The following LRP1B variants were observed in gnomAD, a reference collection of about 807,000 sequenced individuals.
LRP1B encodes the protein LDL receptor related protein 1B, also known as low-density lipoprotein receptor-related protein 1B.
Under a neutral mutation model 556.6 loss-of-function variants are expected in LRP1B, and 217 were observed. The observed-to-expected ratio is 0.39, with a 90% CI of 0.35 to 0.44. The LOEUF (loss-of-function observed/expected upper bound fraction) is 0.44, where lower values mean the gene tolerates loss of function less well. Ranked by LOEUF, LRP1B falls within the 20% of genes least tolerant of loss-of-function variation. The pLI is 1.00. For synonymous variants in LRP1B, 2,047 were observed against 1,865.8 expected, an observed-to-expected ratio of 1.10 and a Z score of -2.50; for missense variants, 5,053 against 5,620.8, an observed-to-expected ratio of 0.90 and a Z score of 3.23.
At chr2:140,565,918 C>G (rs897238406) in intron 43 of LRP1B, among the ~76,000 whole-genome samples, 1 of 152,182 alleles carries the variant, frequency 6.6e-6, no homozygotes, top group Non-Finnish European at 1.5e-5. Context: ...GTACTCACCA[C>G]TGGGGACCCC....
At chr2:141,713,730 T>C (rs1157655702) in intron 2 of LRP1B, among the ~76,000 whole-genome samples, 1 of 152,214 alleles carries the variant, frequency 6.6e-6, no homozygotes, top group East Asian at 1.9e-4. Context: ...AGAATTAATA[T>C]ATATTTAAAA....
chr2:140,786,546 A>G (rs533360374), intron 32 of LRP1B, among the ~76,000 whole-genome samples: 24 of 152,286 alleles, frequency 1.6e-4, no homozygotes, highest in Admixed American at 5.9e-4. Flanking sequence ...GCTCTCTGGA[A>G]AAATCTCTTT....
At chr2:140,813,611 C>G in intron 32 of LRP1B, 46 bp downstream of exon 32, 1 of 1,576,902 alleles carries the variant, frequency 6.3e-7, no homozygotes, top group Non-Finnish European at 8.7e-7. Context: ...ATAAATCAAC[C>G]CCCAATCAAT....
At chr2:142,021,467 G>C (rs145726618) in intron 1 of LRP1B, among the ~76,000 whole-genome samples, 241 of 152,126 alleles carry the variant, frequency 1.6e-3, no homozygotes, top group African/African-American at 5.6e-3. Context: ...TTTCACACTT[G>C]TTTTAGTATT....
Position 142,077,527 on chromosome 2 carries a change from T to C in LRP1B, c.82+53121A>G, listed in dbSNP as rs150413342. The stretch of plus-strand genomic sequence containing the variant: ...AGTTATATTTATGAACAAAAATGTC[T>C]ATTAGTAAGAATAGAGCCTCCATTC... On this transcript the variant is annotated intron_variant, in intron 1 of 90. Coordinates refer to ENST00000389484, the MANE Select transcript of LRP1B (RefSeq NM_018557.3). Among the ~76,000 whole-genome samples, 1,190 of 152,270 alleles carry C rather than the reference T, an allele frequency of 7.8e-3. 20 individuals carry two copies. The highest frequency in any genetic ancestry group is 0.027 in the African/African-American group (1,108 of 41,566).
At chr2:141,818,944 T>C (rs1696661144) in intron 1 of LRP1B, among the ~76,000 whole-genome samples, 1 of 151,422 alleles carries the variant, frequency 6.6e-6, no homozygotes, top group African/African-American at 2.4e-5. Context: ...TTAGATCCTT[T>C]AATAAAAACT....
intron 2 of LRP1B, among the ~76,000 whole-genome samples, chr2:141,534,574 C>G (rs926276473): frequency 6.6e-6 from 1 of 152,090 alleles, no homozygotes; most frequent in Non-Finnish European, 1.5e-5. Context: ...AAGCCACTGT[C>G]TTTCCAGCTC....
At chr2:141,653,694 G>A (rs541178160) in intron 2 of LRP1B, among the ~76,000 whole-genome samples, 91 of 152,228 alleles carry the variant, frequency 6.0e-4, no homozygotes, top group South Asian at 1.9e-3. Flanking sequence ...TGATTCTGTG[G>A]CTGTGTATTA....
At chr2:142,068,827 G>A (rs531978243) in intron 1 of LRP1B, among the ~76,000 whole-genome samples, 123 of 151,436 alleles carry the variant, frequency 8.1e-4, no homozygotes, top group African/African-American at 2.8e-3. Flanking sequence ...GTTAGTGGTC[G>A]GCTAATGGTA....
chr2:141,211,726 G>A (rs78052642), intron 6 of LRP1B, among the ~76,000 whole-genome samples: 6,576 of 152,256 alleles, frequency 0.043, 160 homozygotes, highest in South Asian at 0.1. Context: ...TAATGTTAAT[G>A]TAAAACTTAA....
rs770953999 is a variant in LRP1B, at chr2:140,487,672, C to T, written c.9188G>A (p.Ser3063Asn). The T allele has an allele frequency of 6.2e-7, 1 of 1,603,044 alleles. No individual in the cohort carries two copies. Among genetic ancestry groups the T allele is most frequent in the Non-Finnish European group, 8.5e-7 (1 of 1,172,170 alleles). Residue 3063 changes from serine (S) to asparagine (N), a missense_variant, in exon 58 of 91, where the codon AGC (serine) becomes AAC (asparagine). Coordinates refer to ENST00000389484, the MANE Select transcript of LRP1B (RefSeq NM_018557.3). Reference protein sequence around the residue: ...REEFIYWIDSSRPNGSRINRM... With the variant: ...REEFIYWIDSNRPNGSRINRM... ...ATTTATGCGACTGCCATTGGGTCGG[C>T]TAGAATCGATCCAATAGATGAATTC...
Position 140,823,109 on chromosome 2 carries a change from G to A in LRP1B, c.5210-9303C>T, listed in dbSNP as rs1371451735. Among the ~76,000 whole-genome samples, 4 of 152,142 alleles carry A rather than the reference G, an allele frequency of 2.6e-5. No individual in the cohort carries two copies. In the East Asian group the frequency reaches 5.8e-4, roughly 22 times the overall value. On this transcript the variant is annotated intron_variant, in intron 31 of 90. Transcript: ENST00000389484. ...AAGTGCATGCAGACACAAAGGTGTG[G>A]CCTCATGATGAGAATACAGGTACTA...
intron 3 of LRP1B, among the ~76,000 whole-genome samples, chr2:141,469,583 A>G (rs944370038): frequency 6.6e-6 from 1 of 152,200 alleles, no homozygotes; most frequent in African/African-American, 2.4e-5. Flanking sequence ...TTACTGTATA[A>G]GTGAAAATAA....
At chr2:141,362,730 A>AAAT (rs1324003785) in intron 3 of LRP1B, among the ~76,000 whole-genome samples, 1 of 152,104 alleles carries the variant, frequency 6.6e-6, no homozygotes, top group Non-Finnish European at 1.5e-5. Flanking sequence ...TGTGCCCACA[A>AAAT]AATAATTCTG....
chr2:140,327,077 T>C (rs1391820718), intron 79 of LRP1B, among the ~76,000 whole-genome samples: 1 of 152,120 alleles, frequency 6.6e-6, no homozygotes, highest in Non-Finnish European at 1.5e-5. Flanking sequence ...ATATGACATA[T>C]TGCATACTTC....
intron 3 of LRP1B, among the ~76,000 whole-genome samples, chr2:141,360,494 A>G (rs764279679): frequency 1.2e-4 from 19 of 152,240 alleles, no homozygotes; most frequent in African/African-American, 4.6e-4. Flanking sequence ...CTAATTTTTC[A>G]TCAATGTGTG....
At chr2:140,978,154 C>T (rs976873545) in intron 18 of LRP1B, among the ~76,000 whole-genome samples, 4 of 152,122 alleles carry the variant, frequency 2.6e-5, no homozygotes, top group Non-Finnish European at 5.9e-5. Flanking sequence ...TTAATGTAAA[C>T]GTGCACCCAC....
chr2:140,324,565 G>A (rs916737515), intron 80 of LRP1B, among the ~76,000 whole-genome samples: 3 of 152,148 alleles, frequency 2.0e-5, no homozygotes, highest in Non-Finnish European at 4.4e-5. Context: ...CATTTCAGAA[G>A]TGGAATAAAG....
At chr2:141,613,752 A>G (rs914569161) in intron 2 of LRP1B, among the ~76,000 whole-genome samples, 6 of 152,144 alleles carry the variant, frequency 3.9e-5, no homozygotes, top group Middle Eastern at 3.2e-3. Flanking sequence ...TAAGATTAAA[A>G]GAATACTACG....
Sources: gnomAD v4.1 joint callset for allele counts (sites outside exome capture counted in the v4.1 genomes callset) on GRCh38, gnomAD v4.1.1 for gene constraint, MANE v1.5 for transcripts, NCBI Gene and HGNC (gene_info 2026-07-23, HGNC 2026-07-21) for gene names.